The following CNTNAP2 variants were observed in gnomAD, a reference collection of about 807,000 sequenced individuals.
CNTNAP2 encodes the protein contactin-associated protein-like 2.
In CNTNAP2, 98 loss-of-function variants were observed where a neutral mutation model predicts 155.2. The ratio of observed to expected loss-of-function variants is 0.63; its 90% confidence interval spans 0.54 to 0.75. CNTNAP2 has a LOEUF of 0.75. Ranked by LOEUF, CNTNAP2 falls within the 30% of genes least tolerant of loss-of-function variation. CNTNAP2 has a pLI of 0.00. For synonymous variants in CNTNAP2, 651 were observed against 631.2 expected (o/e 1.03, Z -0.47); for missense variants, 1,727 against 1,688.1 (o/e 1.02, Z -0.40).
intron 1 of CNTNAP2, among the ~76,000 whole-genome samples, chr7:146,509,888 A>AG (rs1306102427): frequency 6.6e-6 from 1 of 152,110 alleles, no homozygotes; most frequent in Non-Finnish European, 1.5e-5. Context: ...CCATGCACAC[A>AG]GGGGACCTGT....
At chr7:147,739,414 T>C (rs1430057248) in intron 13 of CNTNAP2, among the ~76,000 whole-genome samples, 1 of 152,082 alleles carries the variant, frequency 6.6e-6, no homozygotes, top group Non-Finnish European at 1.5e-5. Flanking sequence ...CTCATCAAAG[T>C]CTAAGTAGAA....
rs112651374 is a variant in CNTNAP2 at position 147,044,177 on chromosome 7, T to A, written c.550+123T>A. ...ACAATAAACTACCTTCTCATTTACATATATATGTATCTATGCATAGATACA... is the reference window on the plus strand; with the variant it reads ...ACAATAAACTACCTTCTCATTTACAAATATATGTATCTATGCATAGATACA... On this transcript the variant is annotated intron_variant, in intron 4 of 23. Coordinates refer to ENST00000361727, the MANE Select transcript of CNTNAP2 (RefSeq NM_014141.6). 1,032 of 1,045,928 alleles carry A rather than the reference T, an allele frequency of 9.9e-4. 12 individuals carry two copies. The African/African-American group carries it at 0.013, about 13-fold the overall frequency. The allele number at this position is 1,045,928 out of a possible 1,614,324, so 64.8% of individuals were successfully genotyped here.
intron 10 of CNTNAP2, among the ~76,000 whole-genome samples, chr7:147,471,211 C>G (rs1474319395): frequency 1.3e-5 from 2 of 152,084 alleles, no homozygotes; most frequent in Admixed American, 1.3e-4. Context: ...AATATGGAGA[C>G]CATAGCATCA....
chr7:147,921,229 G>T (rs530493604), intron 14 of CNTNAP2, among the ~76,000 whole-genome samples: 2 of 151,914 alleles, frequency 1.3e-5, no homozygotes, highest in Non-Finnish European at 2.9e-5. Context: ...CTTTCCCATT[G>T]TAACAGCCTC....
At chr7:148,075,431 A>G (rs1045691993) in intron 15 of CNTNAP2, among the ~76,000 whole-genome samples, 8 of 148,688 alleles carry the variant, frequency 5.4e-5, no homozygotes, top group African/African-American at 9.9e-5. Context: ...AGCAAAACTT[A>G]ATCTCAAAAA....
intron 1 of CNTNAP2, among the ~76,000 whole-genome samples, chr7:146,501,740 T>G (rs918844451): frequency 1.3e-5 from 2 of 152,098 alleles, no homozygotes; most frequent in Non-Finnish European, 2.9e-5. Flanking sequence ...ATTAAAGGAT[T>G]ATGAATGAGA....
chr7:146,784,471 A>T (rs537860338), intron 2 of CNTNAP2, among the ~76,000 whole-genome samples: 13 of 152,354 alleles, frequency 8.5e-5, no homozygotes, highest in South Asian at 8.3e-4. Context: ...TTTAGGACAT[A>T]TGGGATGGGA....
intron 4 of CNTNAP2, among the ~76,000 whole-genome samples, chr7:147,049,714 A>G (rs1223804428): frequency 6.6e-6 from 1 of 152,136 alleles, no homozygotes; most frequent in African/African-American, 2.4e-5. Flanking sequence ...TCTATCTTAA[A>G]CCTGCAAGAG....
intron 13 of CNTNAP2, among the ~76,000 whole-genome samples, chr7:147,873,797 A>G (rs367697462): frequency 2.6e-5 from 4 of 152,190 alleles, no homozygotes; most frequent in African/African-American, 7.2e-5. Flanking sequence ...CCTTCTGCCT[A>G]TGAGCCTGTA....
Position 148,409,418 on chromosome 7 carries a change from G to C in CNTNAP2, c.3743G>C (p.Gly1248Ala). Residue 1248 changes from glycine (G) to alanine (A), a missense_variant, in exon 23 of 24, where the codon GGA becomes GCA. Coordinates refer to ENST00000361727, the MANE Select transcript of CNTNAP2 (RefSeq NM_014141.6). Reference sequence around the variant, plus strand: ...AGTGCGGATTTTCCATATAATCCAGGACAAGGCCAAGCTATAAGAAATGGA... The same window carrying C: ...AGTGCGGATTTTCCATATAATCCAGCACAAGGCCAAGCTATAAGAAATGGA... ...SASADFPYNP[G>A]QGQAIRNGVN... 2 of 1,613,716 alleles carry C rather than the reference G, an allele frequency of 1.2e-6. No individual in the cohort carries two copies. Among genetic ancestry groups the C allele is most frequent in the Non-Finnish European group, 1.7e-6 (2 of 1,179,762 alleles).
intron 10 of CNTNAP2, among the ~76,000 whole-genome samples, chr7:147,443,018 T>C (rs1054186267): frequency 4.6e-5 from 7 of 152,086 alleles, no homozygotes; most frequent in Non-Finnish European, 2.9e-5. Context: ...CTGGATAGCA[T>C]CTCAGGAGGT....
Position 147,139,278 on chromosome 7 carries a change from CT to C in CNTNAP2, c.1348+6773del, listed in dbSNP as rs1201185297. ...GCTGACACTTCATGTAAGGTTGAAA[CT>C]TTTGTAGTGGATAAATGAGTAATTG... On this transcript the variant is annotated intron_variant, in intron 8 of 23. Coordinates refer to ENST00000361727, the MANE Select transcript of CNTNAP2 (RefSeq NM_014141.6). Among the ~76,000 whole-genome samples, 7 of 152,064 alleles carry C rather than the reference CT, an allele frequency of 4.6e-5. No individual in the cohort carries two copies. In the East Asian group the frequency reaches 1.4e-3, roughly 29 times the overall value.
At chr7:146,786,346 A>G (rs760136444) in intron 2 of CNTNAP2, among the ~76,000 whole-genome samples, 4 of 152,260 alleles carry the variant, frequency 2.6e-5, no homozygotes, top group African/African-American at 9.6e-5. Flanking sequence ...GGTCATACTT[A>G]TTAAAATGAA....
intron 21 of CNTNAP2, among the ~76,000 whole-genome samples, chr7:148,307,291 TA>T (rs1797506961): frequency 6.6e-6 from 1 of 152,144 alleles, no homozygotes; most frequent in Non-Finnish European, 1.5e-5. Flanking sequence ...TCTGGGGATA[TA>T]AATGTTCTTC....
intron 8 of CNTNAP2, among the ~76,000 whole-genome samples, chr7:147,163,435 C>T (rs769768759): frequency 1.3e-5 from 2 of 152,112 alleles, no homozygotes; most frequent in Non-Finnish European, 2.9e-5. Context: ...ATATTTATAA[C>T]TACTTTAATG....
intron 15 of CNTNAP2, among the ~76,000 whole-genome samples, chr7:147,984,413 T>A (rs1801582167): frequency 6.6e-6 from 1 of 152,222 alleles, no homozygotes; most frequent in Non-Finnish European, 1.5e-5. Flanking sequence ...TCCAGTGTAC[T>A]GATGAGGAAA....
intron 13 of CNTNAP2, among the ~76,000 whole-genome samples, chr7:147,660,951 A>T (rs1795600082): frequency 6.6e-6 from 1 of 152,164 alleles, no homozygotes; most frequent in African/African-American, 2.4e-5. Context: ...CAGAATTCTC[A>T]TGCCCCCCTA....
intron 21 of CNTNAP2, among the ~76,000 whole-genome samples, chr7:148,282,207 A>G (rs1188756197): frequency 1.3e-5 from 2 of 152,224 alleles, no homozygotes; most frequent in Non-Finnish European, 2.9e-5. Flanking sequence ...CAAGGACAAT[A>G]AATAATTAAT....
chr7:147,160,768 A>C (rs929952693), intron 8 of CNTNAP2, among the ~76,000 whole-genome samples: 1 of 152,168 alleles, frequency 6.6e-6, no homozygotes, highest in Non-Finnish European at 1.5e-5. Context: ...ATGCAGAGGC[A>C]TAAAGGAATT....
Sources: allele counts gnomAD v4.1 joint callset (sites outside exome capture counted in the v4.1 genomes callset), GRCh38; gene constraint gnomAD v4.1.1; transcripts MANE v1.5; gene names NCBI Gene and HGNC (gene_info 2026-07-23, HGNC 2026-07-21).